The following UGGT2 variants were observed in gnomAD, a reference collection of about 807,000 sequenced individuals.
UGGT2 encodes the protein UDP-glucose:glycoprotein glucosyltransferase 2.
In UGGT2, 180 loss-of-function variants were observed where a neutral mutation model predicts 192.1. The observed-to-expected ratio is 0.94, with a 90% CI of 0.83 to 1.06. The LOEUF (loss-of-function observed/expected upper bound fraction) is 1.06, where lower values mean the gene tolerates loss of function less well. Ranked by LOEUF, UGGT2 falls within the 50% of genes least tolerant of loss-of-function variation. The pLI is 0.00. For synonymous variants in UGGT2, 580 were observed against 591.0 expected (o/e 0.98, Z 0.27); for missense variants, 1,849 against 1,795.7 (o/e 1.03, Z -0.54).
intron 9 of UGGT2, 32 bp downstream of exon 9, chr13:95,986,301 A>C: frequency 7.2e-7 from 1 of 1,393,904 alleles, no homozygotes; most frequent in Non-Finnish European, 1.0e-6. Context: ...AAAGAGTTAT[A>C]GCTGCAATGA....
chr13:95,819,377 A>G (rs527259273), intron 38 of UGGT2, among the ~76,000 whole-genome samples: 10 of 152,144 alleles, frequency 6.6e-5, no homozygotes, highest in African/African-American at 1.7e-4. Context: ...TTTATATACC[A>G]TTGTTATCCT....
chr13:95,847,076 T>C (rs971680253), intron 36 of UGGT2, among the ~76,000 whole-genome samples: 2 of 151,092 alleles, frequency 1.3e-5, no homozygotes, highest in South Asian at 2.1e-4. Context: ...TTTTTTTTAT[T>C]TTACTGATTG....
Position 95,914,829 on chromosome 13 carries a change from C to A in UGGT2, c.2295+10851G>T, listed in dbSNP as rs187800872. On this transcript the variant is annotated intron_variant, in intron 20 of 38. Coordinates refer to ENST00000376747, the MANE Select transcript of UGGT2 (RefSeq NM_020121.4). ...AAAACAAAAACAAAAGAACAAAAAA[C>A]CCCCTGCAAAACTCTTAAGTATAAA... Among the ~76,000 whole-genome samples the A allele has an allele frequency of 3.1e-3, 464 of 151,694 alleles. 5 individuals carry two copies. Among genetic ancestry groups the A allele is most frequent in the African/African-American group, 8.2e-3 (340 of 41,392 alleles).
intron 20 of UGGT2, among the ~76,000 whole-genome samples, chr13:95,913,614 T>C (rs891728908): frequency 1.3e-5 from 2 of 152,186 alleles, no homozygotes; most frequent in African/African-American, 2.4e-5. Flanking sequence ...TGTGGAGAAA[T>C]AGGAACGCTT....
At chr13:95,848,934 T>C (rs1422545737) in intron 36 of UGGT2, among the ~76,000 whole-genome samples, 1 of 152,206 alleles carries the variant, frequency 6.6e-6, no homozygotes, top group Non-Finnish European at 1.5e-5. Context: ...TTCATGTATT[T>C]CAGTGTTCTT....
intron 10 of UGGT2, among the ~76,000 whole-genome samples, chr13:95,977,371 C>G (rs773258448): frequency 2.6e-4 from 40 of 152,196 alleles, no homozygotes; most frequent in Non-Finnish European, 4.9e-4. Flanking sequence ...ACAAACAACT[C>G]CATCAGAAAG....
chr13:95,980,333 C>G (rs897176576), intron 10 of UGGT2, among the ~76,000 whole-genome samples: 1 of 152,120 alleles, frequency 6.6e-6, no homozygotes, highest in Non-Finnish European at 1.5e-5. Flanking sequence ...GACTATCATT[C>G]TAACTGAAGT....
intron 6 of UGGT2, 29 bp downstream of exon 6, chr13:95,999,182 C>G (rs774746579): frequency 1.3e-6 from 2 of 1,583,030 alleles, no homozygotes; most frequent in African/African-American, 2.7e-5. Context: ...ACTTTTCATT[C>G]TACTCAAGTA....
chr13:95,847,065 T>TC (rs1174183910), intron 36 of UGGT2, among the ~76,000 whole-genome samples: 1 of 151,018 alleles, frequency 6.6e-6, no homozygotes, highest in South Asian at 2.1e-4. Context: ...TCTTTTCTTT[T>TC]TTTTTTTTAT....
At position 95,839,584 on chromosome 13, in the gene UGGT2, A is replaced by T. The variant is rs562953243; in HGVS notation, c.4285-2382T>A. Among the ~76,000 whole-genome samples, 25 of 152,314 alleles carry T rather than the reference A, an allele frequency of 1.6e-4. No individual in the cohort carries two copies. The East Asian group carries it at 4.8e-3, about 29-fold the overall frequency. Reference sequence around the variant, plus strand: ...TTTCCATTTTCCAGCTGTTATAAACAATGCTTCTATAAACATTTGTACAAA... The same window carrying T: ...TTTCCATTTTCCAGCTGTTATAAACTATGCTTCTATAAACATTTGTACAAA... On this transcript the variant is annotated intron_variant, in intron 36 of 38. Coordinates refer to ENST00000376747, the MANE Select transcript of UGGT2 (RefSeq NM_020121.4).
intron 5 of UGGT2, among the ~76,000 whole-genome samples, chr13:96,003,926 G>C (rs2051888038): frequency 6.6e-6 from 1 of 152,146 alleles, no homozygotes. Context: ...TAATAAATGT[G>C]CATGGAGGAA....
chr13:95,910,350 C>G (rs1318359928), intron 20 of UGGT2, among the ~76,000 whole-genome samples: 1 of 152,134 alleles, frequency 6.6e-6, no homozygotes, highest in Admixed American at 6.5e-5. Context: ...AGACCCATCT[C>G]ATGTGCAGAG....
At chr13:95,862,545 T>A (rs1350011622) in intron 31 of UGGT2, among the ~76,000 whole-genome samples, 1 of 152,136 alleles carries the variant, frequency 6.6e-6, no homozygotes, top group East Asian at 1.9e-4. Flanking sequence ...GGACAGGGCT[T>A]CCCACCAGTT....
chr13:96,013,282 A>C (rs748654517), intron 5 of UGGT2, 25 bp downstream of exon 5: 1 of 1,531,902 alleles, frequency 6.5e-7, no homozygotes, highest in South Asian at 1.3e-5. Context: ...AGCCAAAAGC[A>C]ACCTTGGAAA....
chr13:95,909,860 A>G (rs184331702), intron 20 of UGGT2, among the ~76,000 whole-genome samples: 1 of 151,486 alleles, frequency 6.6e-6, no homozygotes, highest in African/African-American at 2.4e-5. Context: ...AGTTATCGAC[A>G]AAGGGAAGCC....
intron 10 of UGGT2, among the ~76,000 whole-genome samples, chr13:95,980,979 C>T (rs1414824298): frequency 6.6e-6 from 1 of 152,188 alleles, no homozygotes; most frequent in African/African-American, 2.4e-5. Flanking sequence ...GCCTGGGTGA[C>T]AGAGCAAGAC....
chr13:95,823,855 GTTTT>G (rs926577717), intron 38 of UGGT2, among the ~76,000 whole-genome samples: 1 of 151,952 alleles, frequency 6.6e-6, no homozygotes, highest in Admixed American at 6.6e-5. Context: ...GGCTCTGTGA[GTTTT>G]TTATTTTTTA....
rs142604418 is a variant in UGGT2 at position 95,871,050 on chromosome 13, G to A, written c.3474-3627C>T. On this transcript the variant is annotated intron_variant, in intron 29 of 38. Coordinates refer to ENST00000376747, the MANE Select transcript of UGGT2 (RefSeq NM_020121.4). ...CAGTCACAGGTATTCTGTTACAGCAGCAAAAAATGGCCTAAGACACCATCT... is the reference window on the plus strand; with the variant it reads ...CAGTCACAGGTATTCTGTTACAGCAACAAAAAATGGCCTAAGACACCATCT... Among the ~76,000 whole-genome samples, 10 of 152,216 alleles carry A rather than the reference G, an allele frequency of 6.6e-5. No homozygotes were observed. The East Asian group carries it at 1.9e-3, about 29-fold the overall frequency.
At chr13:95,936,459 G>A (rs1200812630) in intron 17 of UGGT2, among the ~76,000 whole-genome samples, 1 of 152,188 alleles carries the variant, frequency 6.6e-6, no homozygotes, top group Admixed American at 6.5e-5. Context: ...CAGTGGTCTG[G>A]CCTCCCTGCT....
Sources: allele counts gnomAD v4.1 joint callset (sites outside exome capture counted in the v4.1 genomes callset), GRCh38; gene constraint gnomAD v4.1.1; transcripts MANE v1.5; gene names NCBI Gene and HGNC (gene_info 2026-07-23, HGNC 2026-07-21).